Variants in DPYD observed in about 807,000 individuals in gnomAD.
DPYD encodes the protein dihydropyrimidine dehydrogenase [NADP(+)].
In DPYD, 109 loss-of-function variants were observed where a neutral mutation model predicts 116.2. The observed-to-expected ratio is 0.94, with a 90% CI of 0.80 to 1.10. DPYD has a LOEUF of 1.10. DPYD is among the 50% of genes least tolerant of loss of function. DPYD has a pLI of 0.00. For synonymous variants in DPYD, 440 were observed against 432.0 expected (o/e 1.02, Z -0.23); for missense variants, 1,302 against 1,254.5 (o/e 1.04, Z -0.57).
At chr1:97,777,926 G>A (rs954059815) in intron 3 of DPYD, among the ~76,000 whole-genome samples, 4 of 151,894 alleles carry the variant, frequency 2.6e-5, no homozygotes, top group Admixed American at 2.6e-4. Flanking sequence ...GGGAGGCCTA[G>A]GCAGGCAGAT....
At chr1:97,646,439 C>T (rs1489028910) in intron 8 of DPYD, among the ~76,000 whole-genome samples, 2 of 151,742 alleles carry the variant, frequency 1.3e-5, no homozygotes, top group East Asian at 1.9e-4. Context: ...TGTTTGAACG[C>T]ACATCTTCTT....
At chr1:97,498,728 TG>T (rs1309647679) in intron 13 of DPYD, among the ~76,000 whole-genome samples, 1 of 151,732 alleles carries the variant, frequency 6.6e-6, no homozygotes, top group African/African-American at 2.4e-5. Flanking sequence ...TTGAATACAA[TG>T]TGGAAAGATT....
chr1:97,257,452 T>TATATATATATAGAGAGAGAGAGAGAGAG (rs375490078), intron 18 of DPYD, among the ~76,000 whole-genome samples: 54 of 126,450 alleles, frequency 4.3e-4, no homozygotes, highest in African/African-American at 1.6e-3. Context: ...TATATATATA[T>TATATATATATAGAGAGAGAGAGAGAGAG]AGAGAGAGAG....
intron 8 of DPYD, among the ~76,000 whole-genome samples, chr1:97,648,892 T>G (rs1658419764): frequency 6.6e-6 from 1 of 152,050 alleles, no homozygotes; most frequent in African/African-American, 2.4e-5. Context: ...CTCATTTCAG[T>G]CAGAGAAGAT....
intron 10 of DPYD, among the ~76,000 whole-genome samples, chr1:97,576,997 T>C (rs907979634): frequency 8.5e-5 from 13 of 152,216 alleles, no homozygotes; most frequent in African/African-American, 3.1e-4. Context: ...CATTTGCATA[T>C]ATATATTTGT....
intron 21 of DPYD, among the ~76,000 whole-genome samples, chr1:97,091,704 T>C (rs1391019661): frequency 6.6e-6 from 1 of 152,158 alleles, no homozygotes; most frequent in East Asian, 1.9e-4. Flanking sequence ...TATAATACTT[T>C]CACACATATC....
intron 11 of DPYD, among the ~76,000 whole-genome samples, chr1:97,561,799 T>C (rs1473594343): frequency 6.6e-6 from 1 of 152,202 alleles, no homozygotes; most frequent in Non-Finnish European, 1.5e-5. Flanking sequence ...CTGTTTACTA[T>C]AACTGGAATG....
chr1:97,629,979 T>A (rs1028459185), intron 8 of DPYD, among the ~76,000 whole-genome samples: 1 of 152,020 alleles, frequency 6.6e-6, no homozygotes, highest in South Asian at 2.1e-4. Flanking sequence ...CCTTTTAGAA[T>A]CAGATTTTTC....
At chr1:97,468,527 A>G (rs1051990481) in intron 13 of DPYD, among the ~76,000 whole-genome samples, 2 of 152,206 alleles carry the variant, frequency 1.3e-5, no homozygotes, top group Non-Finnish European at 2.9e-5. Flanking sequence ...CAAATTTGCC[A>G]GTGCGTTAAA....
intron 16 of DPYD, among the ~76,000 whole-genome samples, chr1:97,367,123 T>C (rs897856255): frequency 2.6e-5 from 4 of 152,114 alleles, no homozygotes; most frequent in African/African-American, 9.7e-5. Flanking sequence ...GGGGAAATTC[T>C]AGCACATCTG....
intron 8 of DPYD, among the ~76,000 whole-genome samples, chr1:97,660,442 T>C (rs1014088458): frequency 6.6e-6 from 1 of 152,154 alleles, no homozygotes; most frequent in Non-Finnish European, 1.5e-5. Flanking sequence ...CTTTATTTAT[T>C]CTTTGCTTCC....
chr1:97,208,566 T>G (rs958861347), intron 19 of DPYD, among the ~76,000 whole-genome samples: 6 of 152,114 alleles, frequency 3.9e-5, no homozygotes, highest in Non-Finnish European at 7.4e-5. Flanking sequence ...ACTATAGGTG[T>G]GACACACTGC....
At chr1:97,873,500 T>C (rs1671760159) in intron 2 of DPYD, among the ~76,000 whole-genome samples, 1 of 151,924 alleles carries the variant, frequency 6.6e-6, no homozygotes, top group Non-Finnish European at 1.5e-5. Context: ...TACTTGCTGT[T>C]TCAGGGTATA....
At chr1:97,543,930 G>A (rs575592484) in intron 12 of DPYD, among the ~76,000 whole-genome samples, 88 of 152,288 alleles carry the variant, frequency 5.8e-4, no homozygotes, top group Admixed American at 1.6e-3. Context: ...CAATCCTGAA[G>A]GACAAGTGGG....
chr1:97,825,850 C>T (rs1417282278), intron 3 of DPYD, among the ~76,000 whole-genome samples: 1 of 152,072 alleles, frequency 6.6e-6, no homozygotes, highest in Admixed American at 6.5e-5. Flanking sequence ...GAGAAGCTAC[C>T]ATGAAATATT....
At position 97,353,774 on chromosome 1, in the gene DPYD, T is replaced by C. The variant is rs1481945833; in HGVS notation, c.2058+19787A>G. 2.6e-5 allele frequency among the ~76,000 whole-genome samples: 4 copies of C among 152,170 alleles called. 1 individual carries two copies. Among genetic ancestry groups the C allele is most frequent in the Admixed American group, 2.0e-4 (3 of 15,278 alleles). On this transcript the variant is annotated intron_variant, in intron 16 of 22. Coordinates refer to ENST00000370192, the MANE Select transcript of DPYD (RefSeq NM_000110.4). ...AAACTGGACTTTTCGGTAGTATTTA[T>C]ATAGAGGAACTTTCATAACTTCCAC...
intron 3 of DPYD, among the ~76,000 whole-genome samples, chr1:97,787,816 A>G (rs1304848920): frequency 6.6e-6 from 1 of 152,200 alleles, no homozygotes; most frequent in Non-Finnish European, 1.5e-5. Context: ...ATATATAAAC[A>G]TTGATATTAC....
intron 13 of DPYD, among the ~76,000 whole-genome samples, chr1:97,505,091 C>A (rs1013993572): frequency 2.0e-5 from 3 of 151,840 alleles, no homozygotes; most frequent in African/African-American, 7.3e-5. Context: ...AAGGTATAGA[C>A]GATGCAAACA....
chr1:97,599,988 T>C (rs959284045), intron 8 of DPYD, among the ~76,000 whole-genome samples: 5 of 150,310 alleles, frequency 3.3e-5, no homozygotes, highest in Admixed American at 6.7e-5. Flanking sequence ...GAGGTTGCAG[T>C]GAGCTGAGAT....
Sources: allele counts gnomAD v4.1 joint callset (sites outside exome capture counted in the v4.1 genomes callset), GRCh38; gene constraint gnomAD v4.1.1; transcripts MANE v1.5; gene names NCBI Gene and HGNC (gene_info 2026-07-23, HGNC 2026-07-21).